Variants in ARMC12 observed in about 807,000 individuals in gnomAD.
ARMC12 encodes the protein armadillo repeat-containing protein 12.
A neutral mutation model predicts 37.4 loss-of-function variants in ARMC12; 25 were observed. The ratio of observed to expected loss-of-function variants is 0.67; its 90% CI spans 0.49 to 0.93. ARMC12 has a LOEUF of 0.93. ARMC12 is among the 40% of genes least tolerant of loss of function. The pLI is 0.00. For synonymous variants in ARMC12, 167 were observed against 176.1 expected, an observed-to-expected ratio of 0.95 and a Z score of 0.41; for missense variants, 384 against 426.6, an observed-to-expected ratio of 0.90 and a Z score of 0.88.
chr6:35,732,914 C>T (rs948321615), upstream of ARMC12, among the ~76,000 whole-genome samples: 2 of 152,212 alleles, frequency 1.3e-5, no homozygotes, highest in East Asian at 1.9e-4. Context: ...TGGCGTAAGC[C>T]TGTAATCCCA....
chr6:35,747,317 C>T lies in ARMC12; in HGVS notation c.501C>T (p.His167=), dbSNP rs1442256988. The T allele has an allele frequency of 6.2e-7, 1 of 1,613,864 alleles. No individual in the cohort carries two copies. Among genetic ancestry groups the T allele is most frequent in the South Asian group, 1.1e-5 (1 of 91,076 alleles). ...CCACCATCTGGGACACGGAACTGCACATTGCGGGCCTCAGACTCCTCAACA... is the reference window on the plus strand; with the variant it reads ...CCACCATCTGGGACACGGAACTGCATATTGCGGGCCTCAGACTCCTCAACA... ...LISTIWDTEL[H]IAGLRLLNNL... The change falls in exon 4 of 6, where the codon CAC becomes CAT. Residue 167 remains histidine, a synonymous_variant. Transcript: ENST00000373866.
intron 2 of ARMC12, 91 bp from the exon 3 acceptor site, chr6:35,738,293 G>GGGGT: frequency 7.0e-7 from 1 of 1,431,960 alleles, no homozygotes; most frequent in Non-Finnish European, 9.4e-7. Context: ...CGGTGGGGGG[G>GGGGT]GGGTGTGCGG....
intron 3 of ARMC12, among the ~76,000 whole-genome samples, chr6:35,745,265 A>T (rs1351181708): frequency 6.6e-6 from 1 of 152,244 alleles, no homozygotes; most frequent in Non-Finnish European, 1.5e-5. Context: ...TGGTATAGCC[A>T]TTACCATGGA....
At chr6:35,747,678 A>G (rs748055745) in intron 5 of ARMC12, 31 bp downstream of exon 5, 1 of 1,601,774 alleles carries the variant, frequency 6.2e-7, no homozygotes, top group Admixed American at 1.7e-5. Flanking sequence ...GGGCTGATGA[A>G]TGCCAACTCA....
chr6:35,731,678 T>G, the ARMC12 span, among the ~76,000 whole-genome samples: 1 of 151,720 alleles, frequency 6.6e-6, no homozygotes, highest in Admixed American at 6.6e-5. Context: ...TTGTCTCGAG[T>G]GTGGGTACCC....
chr6:35,737,423 C>G (rs1278401437), intron 1 of ARMC12, 152 bp downstream of exon 1: 11 of 1,594,312 alleles, frequency 6.9e-6, no homozygotes, highest in Non-Finnish European at 8.5e-6. Flanking sequence ...CCTGCAGCGT[C>G]CTAGGCAAGG....
rs549274142 is a variant in ARMC12 at position 35,737,905 on chromosome 6, G to A, written c.164-122G>A. The A allele has an allele frequency of 9.3e-5, 129 of 1,390,362 alleles. 1 individual carries two copies. In the South Asian group the frequency reaches 1.2e-3, roughly 13 times the overall value. 86.1% of individuals were successfully genotyped at this position (1,390,362 alleles called of 1,614,324 possible). A position where few individuals can be genotyped will look rare whatever the true frequency, so the allele number is the denominator to read the frequency against. On this transcript the variant is annotated intron_variant, in intron 1 of 5. Transcript: ENST00000373866. ...TGTACATGGTGGTCCTGCATATGGC[G>A]AGAAGGCTTCTCCGAAAAGGCAAGG...
rs1561918147 is a variant in ARMC12, at chr6:35,737,181, GC to G, written c.75del (p.Ala27ArgfsTer13). 2 of 1,614,240 alleles carry G rather than the reference GC, an allele frequency of 1.2e-6. No individual in the cohort carries two copies. The highest frequency in any genetic ancestry group is 8.5e-7 in the Non-Finnish European group (1 of 1,180,042). ...AAGCGTAGTCAGCCTGGCCACAGGC[GC>G]CGGGGCGATCTACCTGCTCTACAAG... is the stretch of plus-strand genomic sequence containing the variant. The part of the protein sequence containing the change: ...RKSVVSLATG[A>X]GAIYLLYKAI... On this transcript the variant is annotated frameshift_variant, in exon 1 of 6. Coordinates refer to ENST00000373866, the MANE Select transcript of ARMC12 (RefSeq NM_001286574.2). LOFTEE classifies it high-confidence loss of function.
At chr6:35,738,209 C>A (rs777832434) in intron 2 of ARMC12, 37 bp downstream of exon 2, 2 of 1,599,124 alleles carry the variant, frequency 1.3e-6, no homozygotes, top group Non-Finnish European at 1.7e-6. Context: ...GCCGGCCTGG[C>A]CCCTGGGGGT....
At position 35,737,079 on chromosome 6, in the gene ARMC12, C is replaced by G. The variant is rs751389025; in HGVS notation, c.-30C>G. Reference sequence around the variant, plus strand: ...CCCCACAGGTGCCTTGGGCCTAGCTCTCACCTGGGCCCAGGGCAACACTGA... The same window carrying G: ...CCCCACAGGTGCCTTGGGCCTAGCTGTCACCTGGGCCCAGGGCAACACTGA... On this transcript the variant is annotated 5_prime_UTR_variant, in exon 1 of 6. Coordinates refer to ENST00000373866, the MANE Select transcript of ARMC12 (RefSeq NM_001286574.2). The G allele has an allele frequency of 6.2e-7, 1 of 1,612,038 alleles. No individual in the cohort carries two copies. The highest frequency in any genetic ancestry group is 2.2e-5 in the East Asian group (1 of 44,836).
At chr6:35,747,501 A>G in intron 4 of ARMC12, 67 bp downstream of exon 4, 1 of 1,611,800 alleles carries the variant, frequency 6.2e-7, no homozygotes. Flanking sequence ...TAGAGGGAGG[A>G]GCAGAGGTTT....
upstream of ARMC12, chr6:35,733,829 C>G (rs1327454818): frequency 6.6e-6 from 1 of 152,240 alleles, no homozygotes; most frequent in Admixed American, 6.5e-5. Flanking sequence ...TGCCTAGAAC[C>G]CATACTTACT....
intron 3 of ARMC12, among the ~76,000 whole-genome samples, chr6:35,739,342 A>G (rs556622211): frequency 2.0e-5 from 3 of 152,354 alleles, no homozygotes; most frequent in Admixed American, 2.0e-4. Context: ...ATGTGCATTC[A>G]TCTAAAGACG....
intron 3 of ARMC12, among the ~76,000 whole-genome samples, chr6:35,741,964 C>T (rs1373418626): frequency 6.6e-6 from 1 of 152,000 alleles, no homozygotes; most frequent in Non-Finnish European, 1.5e-5. Context: ...CTCAAGTGAT[C>T]CTCCCACCTC....
intron 3 of ARMC12, among the ~76,000 whole-genome samples, chr6:35,746,539 G>T (rs1216657761): frequency 1.3e-5 from 2 of 152,160 alleles, no homozygotes. Context: ...GTAGATGCAG[G>T]GGGTGAGAAT....
chr6:35,741,313 G>C (rs559951003), intron 3 of ARMC12, among the ~76,000 whole-genome samples: 38 of 152,182 alleles, frequency 2.5e-4, no homozygotes, highest in African/African-American at 9.2e-4. Context: ...TTGGTCAAAG[G>C]GTATGCCCAA....
Position 35,749,031 on chromosome 6 carries a change from C to G in ARMC12, c.*161C>G, listed in dbSNP as rs538729732. On this transcript the variant is annotated 3_prime_UTR_variant, in exon 6 of 6. Transcript: ENST00000373866. ...TGGGCTTATCTCTCAAAACACATCC[C>G]CACTTCTATGTTTGGGGGACTAGCT... is the stretch of plus-strand genomic sequence containing the variant. 26 of 653,442 alleles carry G rather than the reference C, an allele frequency of 4.0e-5. No individual in the cohort carries two copies. The highest frequency in any genetic ancestry group is 6.1e-5 in the Non-Finnish European group (25 of 409,878). 40.5% of individuals were successfully genotyped at this position (653,442 alleles called of 1,614,324 possible).
chr6:35,745,955 A>T (rs1767324164), intron 3 of ARMC12, among the ~76,000 whole-genome samples: 1 of 152,202 alleles, frequency 6.6e-6, no homozygotes, highest in Admixed American at 6.5e-5. Flanking sequence ...CTGAGGCAGG[A>T]GAATCGCTTG....
chr6:35,747,752 G>A (rs1007562021), intron 5 of ARMC12, 105 bp downstream of exon 5: 12 of 1,179,590 alleles, frequency 1.0e-5, no homozygotes, highest in African/African-American at 4.5e-5. Context: ...AATTGTTTTA[G>A]TATCTTCCTG....
Sources: allele counts gnomAD v4.1 joint callset (sites outside exome capture counted in the v4.1 genomes callset), GRCh38; gene constraint gnomAD v4.1.1; transcripts MANE v1.5; gene names NCBI Gene and HGNC (gene_info 2026-07-23, HGNC 2026-07-21).